Variants in TAF3 observed in about 807,000 individuals in gnomAD.
TAF3 encodes transcription initiation factor TFIID subunit 3.
TAF3 carries 7 observed loss-of-function variants against 80.6 expected under a neutral mutation model. The observed-to-expected ratio is 0.09, with a 90% CI of 0.05 to 0.16. The LOEUF is 0.16. Among genes scored for constraint, TAF3 ranks in the 10% least tolerant of loss-of-function variants. The pLI, the probability that TAF3 is intolerant of heterozygous loss-of-function variation, is 1.00. For missense variants in TAF3, 921 were observed against 1,140.2 expected (o/e 0.81, Z 2.77); for synonymous variants, 444 against 446.1 (o/e 1.00, Z 0.06).
chr10:7,962,102 C>T lies in TAF3; in HGVS notation c.410-1818C>T, dbSNP rs542243379. Reference sequence around the variant, plus strand: ...CTGGGCTCAGGTAATCCTACTCCCTCGGCCTCCCAAGATGTTGGCATTACA... The same window carrying T: ...CTGGGCTCAGGTAATCCTACTCCCTTGGCCTCCCAAGATGTTGGCATTACA... On this transcript the variant is annotated intron_variant, in intron 2 of 6. Transcript: ENST00000344293. Among the ~76,000 whole-genome samples, 23 of 152,298 alleles carry T rather than the reference C, an allele frequency of 1.5e-4. No homozygotes were observed. In the South Asian group the frequency reaches 1.7e-3, roughly 11 times the overall value.
chr10:7,889,939 G>A (rs1167556210), intron 2 of TAF3, among the ~76,000 whole-genome samples: 5 of 152,096 alleles, frequency 3.3e-5, no homozygotes, highest in African/African-American at 9.7e-5. Flanking sequence ...TTCCAGTGTC[G>A]TTTTCCTCCC....
At chr10:7,984,207 A>G (rs1435632639) in intron 4 of TAF3, among the ~76,000 whole-genome samples, 4 of 152,152 alleles carry the variant, frequency 2.6e-5, no homozygotes, top group Non-Finnish European at 5.9e-5. Context: ...ACCTAGAACA[A>G]TGATATAGTC....
chr10:7,901,374 T>C (rs1222561132), intron 2 of TAF3, among the ~76,000 whole-genome samples: 1 of 152,248 alleles, frequency 6.6e-6, no homozygotes, highest in Non-Finnish European at 1.5e-5. Context: ...TTAAAATTCT[T>C]ATAAAAACAA....
intron 2 of TAF3, among the ~76,000 whole-genome samples, chr10:7,886,611 TG>T: frequency 6.6e-6 from 1 of 152,356 alleles, no homozygotes; most frequent in East Asian, 1.9e-4. Flanking sequence ...TAATATCTCA[TG>T]GGGTTAGTGT....
intron 2 of TAF3, among the ~76,000 whole-genome samples, chr10:7,863,740 T>TATATATACACATATATATATACACATAG (rs1837180286): frequency 7.3e-6 from 1 of 136,852 alleles, no homozygotes; most frequent in African/African-American, 2.7e-5. Context: ...TATACACATA[T>TATATATACACATATATATATACACATAG]ATATATACAC....
chr10:7,866,795 G>A (rs764844798), intron 2 of TAF3, among the ~76,000 whole-genome samples: 4 of 152,118 alleles, frequency 2.6e-5, no homozygotes, highest in African/African-American at 2.4e-5. Context: ...AGTGTTGGAC[G>A]CATCAGGTTA....
chr10:8,005,868 A>G (rs1240478425), intron 4 of TAF3, among the ~76,000 whole-genome samples: 1 of 152,240 alleles, frequency 6.6e-6, no homozygotes, highest in Admixed American at 6.5e-5. Flanking sequence ...AGACAGTGTC[A>G]TATACTTATT....
At chr10:7,933,499 A>C (rs764091718) in intron 2 of TAF3, among the ~76,000 whole-genome samples, 16 of 152,314 alleles carry the variant, frequency 1.1e-4, no homozygotes, top group Middle Eastern at 3.4e-3. Context: ...TGACTGTTTC[A>C]GTTGTGATAA....
At chr10:7,898,967 G>A (rs147689710) in intron 2 of TAF3, among the ~76,000 whole-genome samples, 25 of 152,110 alleles carry the variant, frequency 1.6e-4, no homozygotes, top group African/African-American at 6.0e-4. Context: ...AGGGTGACTG[G>A]GAATTGGCCT....
chr10:7,944,907 T>A (rs1838009852), intron 2 of TAF3, among the ~76,000 whole-genome samples: 1 of 152,236 alleles, frequency 6.6e-6, no homozygotes, highest in Non-Finnish European at 1.5e-5. Flanking sequence ...TCCAGAATTT[T>A]GTCAAGGTCA....
intron 2 of TAF3, among the ~76,000 whole-genome samples, chr10:7,875,644 C>T (rs1248312512): frequency 6.6e-6 from 1 of 151,972 alleles, no homozygotes; most frequent in African/African-American, 2.4e-5. Context: ...GGTCCTAATG[C>T]AATATTAAGA....
intron 2 of TAF3, among the ~76,000 whole-genome samples, chr10:7,897,793 G>A (rs1261406769): frequency 1.3e-5 from 2 of 151,652 alleles, no homozygotes; most frequent in African/African-American, 4.8e-5. Context: ...CCATGTAGCT[G>A]GGACCATAGG....
Position 7,818,677 on chromosome 10 carries a change from C to T in TAF3, c.-33C>T. 1 of 1,594,096 alleles carries T rather than the reference C, an allele frequency of 6.3e-7. No homozygotes were observed. The highest frequency in any genetic ancestry group is 8.5e-7 in the Non-Finnish European group (1 of 1,172,562). On this transcript the variant is annotated 5_prime_UTR_variant, in exon 1 of 7. Transcript: ENST00000344293. ...TGGCGGCGGGGCTGGAGAGCAGTGGCAGCAAGGGCTGCGGTGGCGTCCACG... is the reference window on the plus strand; with the variant it reads ...TGGCGGCGGGGCTGGAGAGCAGTGGTAGCAAGGGCTGCGGTGGCGTCCACG...
At chr10:7,990,386 T>C (rs777396363) in intron 4 of TAF3, among the ~76,000 whole-genome samples, 1 of 152,206 alleles carries the variant, frequency 6.6e-6, no homozygotes, top group African/African-American at 2.4e-5. Flanking sequence ...ATTGTTTTTG[T>C]CATTTTGTTT....
At position 7,951,137 on chromosome 10, in the gene TAF3, G is replaced by A. The variant is rs141373740; in HGVS notation, c.410-12783G>A. Among the ~76,000 whole-genome samples, 76 of 152,344 alleles carry A rather than the reference G, an allele frequency of 5.0e-4. No individual in the cohort carries two copies. In the East Asian group the frequency reaches 5.6e-3, roughly 11 times the overall value. On this transcript the variant is annotated intron_variant, in intron 2 of 6. Coordinates refer to ENST00000344293, the MANE Select transcript of TAF3 (RefSeq NM_031923.4). ...TAACCGTGTATTTCTCTTAAGAGCAGTGGTTCAGTATTTGTTAGTTCAGTG... is the reference window on the plus strand; with the variant it reads ...TAACCGTGTATTTCTCTTAAGAGCAATGGTTCAGTATTTGTTAGTTCAGTG...
At chr10:7,913,557 C>T (rs1436260204) in intron 2 of TAF3, among the ~76,000 whole-genome samples, 1 of 152,198 alleles carries the variant, frequency 6.6e-6, no homozygotes, top group Non-Finnish European at 1.5e-5. Context: ...ATGGGGAACT[C>T]ACCACCCAAT....
intron 2 of TAF3, among the ~76,000 whole-genome samples, chr10:7,871,583 A>G (rs1387169087): frequency 6.6e-6 from 1 of 151,612 alleles, no homozygotes; most frequent in African/African-American, 2.4e-5. Context: ...AGCTGGGATT[A>G]TAGGCATGTG....
chr10:8,016,254 T>C lies in TAF3; in HGVS notation c.*1503T>C, dbSNP rs1403420983. ...GGCTTTGAACCTAATACAAATATAT[T>C]ACTAGAAAATGTGATTTTTTTAAAT... On this transcript the variant is annotated 3_prime_UTR_variant, in exon 7 of 7. Transcript: ENST00000344293. 6.6e-6 allele frequency: 1 copy of C among 152,210 alleles called. No individual in the cohort carries two copies. Among genetic ancestry groups the C allele is most frequent in the African/African-American group, 2.4e-5 (1 of 41,452 alleles). 9.4% of individuals were successfully genotyped at this position (152,210 alleles called of 1,614,324 possible).
At chr10:7,969,706 G>A (rs375205130) in intron 3 of TAF3, among the ~76,000 whole-genome samples, 4 of 152,092 alleles carry the variant, frequency 2.6e-5, no homozygotes, top group African/African-American at 9.7e-5. Flanking sequence ...TTTTACATTC[G>A]AATATGATCT....
Sources: gnomAD v4.1 joint callset for allele counts (sites outside exome capture counted in the v4.1 genomes callset) on GRCh38, gnomAD v4.1.1 for gene constraint, MANE v1.5 for transcripts, NCBI Gene and HGNC (gene_info 2026-07-23, HGNC 2026-07-21) for gene names.